The following UNC5C variants were observed in gnomAD, a reference collection of about 807,000 sequenced individuals.
UNC5C encodes netrin receptor UNC5C.
In UNC5C, 47 loss-of-function variants were observed where a neutral mutation model predicts 99.8. The observed-to-expected ratio is 0.47, with a 90% CI of 0.37 to 0.60. UNC5C has a LOEUF of 0.60. Ranked by LOEUF, UNC5C falls within the 20% of genes least tolerant of loss-of-function variation. The pLI is 0.00. For synonymous variants in UNC5C, 487 were observed against 452.2 expected (o/e 1.08, Z -0.98); for missense variants, 1,062 against 1,165.9 (o/e 0.91, Z 1.30).
intron 1 of UNC5C, among the ~76,000 whole-genome samples, chr4:95,452,472 C>A (rs1747305366): frequency 1.3e-5 from 2 of 152,100 alleles, no homozygotes; most frequent in South Asian, 2.1e-4. Context: ...CAGTTCCACA[C>A]AAAGGGTGGC....
chr4:95,459,749 T>C (rs1328782614), intron 1 of UNC5C, among the ~76,000 whole-genome samples: 1 of 152,164 alleles, frequency 6.6e-6, no homozygotes, highest in African/African-American at 2.4e-5. Flanking sequence ...TAAAGGTGGT[T>C]CACCACATGA....
chr4:95,428,826 C>A (rs1051325383), intron 1 of UNC5C, among the ~76,000 whole-genome samples: 3 of 152,086 alleles, frequency 2.0e-5, no homozygotes, highest in African/African-American at 7.2e-5. Context: ...GTCAAGTGGG[C>A]AAACCCAGCA....
rs1741094837 is a variant in UNC5C, at chr4:95,282,503, AAGAC to A, written c.491-4145_491-4142del. ...CACAAAAGGCAGATTAATTGGAGAGAAGACAGACAAATTTTATTTAACATGTACA... is the reference window on the plus strand; with the variant it reads ...CACAAAAGGCAGATTAATTGGAGAGAAGACAAATTTTATTTAACATGTACA... On this transcript the variant is annotated intron_variant, in intron 3 of 15. Coordinates refer to ENST00000453304, the MANE Select transcript of UNC5C (RefSeq NM_003728.4). Among the ~76,000 whole-genome samples, 5 of 152,310 alleles carry A rather than the reference AAGAC, an allele frequency of 3.3e-5. No individual in the cohort carries two copies. The South Asian group carries it at 1.0e-3, about 32-fold the overall frequency.
rs1735792921 is a variant in UNC5C at position 95,164,615 on chromosome 4, A to T, written c.*4619T>A. On this transcript the variant is annotated 3_prime_UTR_variant, in exon 16 of 16. Transcript: ENST00000453304. ...CTTGAGATAATAAAATATTTTCCTT[A>T]TTAGATCTATAAAATCTAATGCTTA... is the stretch of plus-strand genomic sequence containing the variant. The T allele has an allele frequency of 6.6e-6, 1 of 152,270 alleles. No individual in the cohort carries two copies. The highest frequency in any genetic ancestry group is 2.1e-4 in the South Asian group (1 of 4,838). The allele number at this position is 152,270 out of a possible 1,614,324, so 9.4% of individuals were successfully genotyped here. A position where few individuals can be genotyped will look rare whatever the true frequency, so the allele number is the denominator to read the frequency against.
intron 1 of UNC5C, among the ~76,000 whole-genome samples, chr4:95,351,710 AT>A (rs1743997998): frequency 6.7e-6 from 1 of 149,186 alleles, no homozygotes; most frequent in South Asian, 2.1e-4. Context: ...ATTAAAAAAA[AT>A]ATGTATCTTC....
At chr4:95,266,766 A>G (rs1191490873) in intron 4 of UNC5C, among the ~76,000 whole-genome samples, 1 of 152,232 alleles carries the variant, frequency 6.6e-6, no homozygotes. Flanking sequence ...CCTCTTTCCT[A>G]AATACTTTAT....
chr4:95,194,591 A>G (rs1042613350), intron 12 of UNC5C, among the ~76,000 whole-genome samples: 10 of 152,094 alleles, frequency 6.6e-5, no homozygotes, highest in Non-Finnish European at 1.5e-4. Context: ...TTCAAATCCA[A>G]CAATGACAGA....
At chr4:95,243,708 C>T (rs1579261657) in intron 6 of UNC5C, among the ~76,000 whole-genome samples, 1 of 151,970 alleles carries the variant, frequency 6.6e-6, no homozygotes, top group Non-Finnish European at 1.5e-5. Flanking sequence ...TATAAACATA[C>T]CCACATGAAA....
intron 4 of UNC5C, among the ~76,000 whole-genome samples, chr4:95,254,172 T>A (rs963319755): frequency 6.6e-6 from 1 of 151,922 alleles, no homozygotes; most frequent in East Asian, 1.9e-4. Context: ...TTTTGACTCT[T>A]TTTTTGTTTG....
chr4:95,422,387 G>C (rs964682801), intron 1 of UNC5C, among the ~76,000 whole-genome samples: 3 of 152,086 alleles, frequency 2.0e-5, no homozygotes, highest in African/African-American at 4.8e-5. Flanking sequence ...AAACCTTAAG[G>C]CAGAGGGCTA....
intron 1 of UNC5C, among the ~76,000 whole-genome samples, chr4:95,535,016 T>A (rs1385670): frequency 0.67 from 102,543 of 151,996 alleles, 34,909 homozygotes; most frequent in Middle Eastern, 0.79. Context: ...TTCTAATTAT[T>A]TTTGTCTTTA....
Position 95,335,590 on chromosome 4 carries a change from C to T in UNC5C, c.166G>A (p.Asp56Asn). Residue 56 changes from aspartate (D) to asparagine (N), a missense_variant, in exon 2 of 16, where the codon GAT (aspartate) becomes AAT (asparagine). Transcript: ENST00000453304. ...FHELPETFPSDPPEPLPHFLI... is the reference protein window; with the variant it reads ...FHELPETFPSNPPEPLPHFLI... ...AAATGTGGCAGAGGCTCAGGTGGATCAGAAGGAAAAGTTTCTGGGAGTTCA... is the reference window on the plus strand; with the variant it reads ...AAATGTGGCAGAGGCTCAGGTGGATTAGAAGGAAAAGTTTCTGGGAGTTCA... 1.2e-6 allele frequency: 2 copies of T among 1,610,336 alleles called. No homozygotes were observed. The highest frequency in any genetic ancestry group is 1.7e-6 in the Non-Finnish European group (2 of 1,178,210).
intron 4 of UNC5C, among the ~76,000 whole-genome samples, chr4:95,273,011 C>G (rs1433475772): frequency 6.6e-6 from 1 of 152,194 alleles, no homozygotes; most frequent in African/African-American, 2.4e-5. Flanking sequence ...GGCGGAGCCT[C>G]CAGCTGCCAC....
intron 1 of UNC5C, among the ~76,000 whole-genome samples, chr4:95,543,844 G>A (rs1450853140): frequency 6.6e-6 from 1 of 152,130 alleles, no homozygotes; most frequent in Non-Finnish European, 1.5e-5. Context: ...GAACAGAAGG[G>A]AAGAAAAGAG....
At chr4:95,506,861 T>C (rs773515400) in intron 1 of UNC5C, among the ~76,000 whole-genome samples, 1 of 151,990 alleles carries the variant, frequency 6.6e-6, no homozygotes, top group Non-Finnish European at 1.5e-5. Context: ...CTTCACTTTT[T>C]GATGTTGAGG....
At chr4:95,326,798 G>A (rs929443734) in intron 2 of UNC5C, among the ~76,000 whole-genome samples, 2 of 151,980 alleles carry the variant, frequency 1.3e-5, no homozygotes, top group Admixed American at 6.6e-5. Flanking sequence ...TTTATGAGTT[G>A]GAGAATAAAT....
intron 7 of UNC5C, among the ~76,000 whole-genome samples, chr4:95,229,170 G>A (rs2149372295): frequency 6.6e-6 from 1 of 152,222 alleles, no homozygotes; most frequent in East Asian, 1.9e-4. Context: ...AGATACATGT[G>A]CAGAATGTGC....
At chr4:95,266,184 T>C (rs1740441150) in intron 4 of UNC5C, among the ~76,000 whole-genome samples, 1 of 152,224 alleles carries the variant, frequency 6.6e-6, no homozygotes. Context: ...TCTTCATACA[T>C]AAAACACTCC....
At chr4:95,359,440 T>C (rs749666321) in intron 1 of UNC5C, among the ~76,000 whole-genome samples, 68 of 152,022 alleles carry the variant, frequency 4.5e-4, no homozygotes, top group Non-Finnish European at 9.4e-4. Context: ...TTTGTTAAAC[T>C]AGAGAAGTGT....
Sources: gnomAD v4.1 joint callset for allele counts (sites outside exome capture counted in the v4.1 genomes callset) on GRCh38, gnomAD v4.1.1 for gene constraint, MANE v1.5 for transcripts, NCBI Gene and HGNC (gene_info 2026-07-23, HGNC 2026-07-21) for gene names.